Variants in GRID1 observed in about 807,000 individuals in gnomAD.
GRID1 encodes glutamate ionotropic receptor delta type subunit 1.
GRID1 carries 28 observed loss-of-function variants against 98.0 expected under a neutral mutation model. The ratio of observed to expected loss-of-function variants is 0.29; its 90% CI spans 0.21 to 0.39. GRID1 has a LOEUF of 0.39. Among genes scored for constraint, GRID1 ranks in the 10% least tolerant of loss-of-function variants. GRID1 has a pLI of 1.00. For synonymous variants in GRID1, 553 were observed against 538.5 expected (o/e 1.03, Z -0.37); for missense variants, 1,111 against 1,340.5 (o/e 0.83, Z 2.67).
At chr10:86,217,598 C>T (rs545383546) in intron 2 of GRID1, among the ~76,000 whole-genome samples, 3 of 152,210 alleles carry the variant, frequency 2.0e-5, no homozygotes, top group South Asian at 2.1e-4. Context: ...CATGGCCTGG[C>T]CCTAGGAAAG....
chr10:86,244,988 G>A (rs1178815492), intron 2 of GRID1, among the ~76,000 whole-genome samples: 3 of 152,170 alleles, frequency 2.0e-5, no homozygotes, highest in Non-Finnish European at 4.4e-5. Flanking sequence ...GAGCACCAGG[G>A]CCCAAAATTG....
intron 4 of GRID1, among the ~76,000 whole-genome samples, chr10:86,024,479 A>G (rs1399508826): frequency 1.3e-5 from 2 of 152,196 alleles, no homozygotes; most frequent in Non-Finnish European, 2.9e-5. Context: ...TTGGCCTAAA[A>G]TAAGCTTGGC....
At chr10:86,307,103 A>G (rs1847768548) in intron 2 of GRID1, among the ~76,000 whole-genome samples, 1 of 152,176 alleles carries the variant, frequency 6.6e-6, no homozygotes, top group Admixed American at 6.5e-5. Flanking sequence ...ATAAGTTGGT[A>G]ATAGCCATTA....
chr10:86,292,732 C>G (rs2446012), intron 2 of GRID1, among the ~76,000 whole-genome samples: 121,171 of 151,864 alleles, frequency 0.8, 50,037 homozygotes, highest in Non-Finnish European at 0.91. Flanking sequence ...TGCGAGTGTG[C>G]GCAGGTGTGA....
chr10:85,599,936 C>T lies in GRID1; in HGVS notation c.*2337G>A, dbSNP rs1435424880. On this transcript the variant is annotated 3_prime_UTR_variant, in exon 16 of 16. Coordinates refer to ENST00000327946, the MANE Select transcript of GRID1 (RefSeq NM_017551.3). ...TCTCTCTCTCACACACACACACACACACAAACACACACACACAGGCGCACA... is the reference window on the plus strand; with the variant it reads ...TCTCTCTCTCACACACACACACACATACAAACACACACACACAGGCGCACA... 1 of 149,834 alleles carries T rather than the reference C, an allele frequency of 6.7e-6. No homozygotes were observed. Among genetic ancestry groups the T allele is most frequent in the Non-Finnish European group, 1.5e-5 (1 of 67,664 alleles). 9.3% of individuals were successfully genotyped at this position (149,834 alleles called of 1,614,324 possible). A position where few individuals can be genotyped will look rare whatever the true frequency, so the allele number is the denominator to read the frequency against.
At chr10:86,085,693 A>G (rs1002414430) in intron 4 of GRID1, among the ~76,000 whole-genome samples, 19 of 151,940 alleles carry the variant, frequency 1.3e-4, no homozygotes, top group African/African-American at 3.6e-4. Context: ...CAGAGCTGTC[A>G]CCTCCATCCA....
At chr10:85,913,394 C>T (rs1841567384) in intron 5 of GRID1, among the ~76,000 whole-genome samples, 1 of 152,216 alleles carries the variant, frequency 6.6e-6, no homozygotes, top group African/African-American at 2.4e-5. Context: ...GTTTTCCCAT[C>T]TGCAAAATGA....
intron 4 of GRID1, among the ~76,000 whole-genome samples, chr10:85,971,201 T>C (rs1326712276): frequency 6.6e-6 from 1 of 151,946 alleles, no homozygotes; most frequent in East Asian, 1.9e-4. Context: ...CAGCTTCAGA[T>C]CTAAATGTAA....
chr10:86,027,191 G>C (rs532429082), intron 4 of GRID1, among the ~76,000 whole-genome samples: 2 of 152,164 alleles, frequency 1.3e-5, no homozygotes, highest in Non-Finnish European at 2.9e-5. Context: ...ACTGTGTCTA[G>C]TTCTGGAATA....
intron 8 of GRID1, among the ~76,000 whole-genome samples, chr10:85,746,148 G>A (rs1841994613): frequency 6.6e-6 from 1 of 152,164 alleles, no homozygotes; most frequent in South Asian, 2.1e-4. Flanking sequence ...TATTCAGGTT[G>A]AAAACCATAC....
chr10:86,217,455 T>C (rs892402447), intron 2 of GRID1, among the ~76,000 whole-genome samples: 2 of 152,186 alleles, frequency 1.3e-5, no homozygotes, highest in Non-Finnish European at 2.9e-5. Flanking sequence ...AGCCCTCTCA[T>C]ATGGGATCCT....
At chr10:86,199,292 T>C (rs2814315) in intron 3 of GRID1, among the ~76,000 whole-genome samples, 113,716 of 152,008 alleles carry the variant, frequency 0.75, 42,733 homozygotes, top group East Asian at 0.89. Flanking sequence ...GAACTACTTC[T>C]ACTCAGTACA....
intron 3 of GRID1, among the ~76,000 whole-genome samples, chr10:86,183,682 T>C (rs986444197): frequency 3.3e-5 from 5 of 152,230 alleles, no homozygotes; most frequent in Non-Finnish European, 5.9e-5. Flanking sequence ...TTCATTCACT[T>C]GCCAATGGAC....
chr10:86,077,905 G>A (rs1026618791), intron 4 of GRID1, among the ~76,000 whole-genome samples: 1 of 152,248 alleles, frequency 6.6e-6, no homozygotes, highest in Non-Finnish European at 1.5e-5. Context: ...GGTTCACTTG[G>A]CCTGGCCTAC....
chr10:85,933,040 A>C (rs1841878175), intron 4 of GRID1, among the ~76,000 whole-genome samples: 1 of 152,172 alleles, frequency 6.6e-6, no homozygotes, highest in Admixed American at 6.6e-5. Context: ...GGTCTAATAG[A>C]AGGTGTTTGT....
At chr10:86,228,099 G>A (rs1231555556) in intron 2 of GRID1, among the ~76,000 whole-genome samples, 2 of 151,086 alleles carry the variant, frequency 1.3e-5, no homozygotes, top group Non-Finnish European at 2.9e-5. Context: ...TGAGGTGAGT[G>A]GGTGAGTAGG....
intron 13 of GRID1, among the ~76,000 whole-genome samples, chr10:85,627,821 CG>C (rs967235263): frequency 6.6e-6 from 1 of 152,180 alleles, no homozygotes; most frequent in Admixed American, 6.5e-5. Context: ...GAGGGCTCAA[CG>C]CGAGTTCCGT....
At chr10:86,061,916 G>A (rs1202065976) in intron 4 of GRID1, among the ~76,000 whole-genome samples, 2 of 152,170 alleles carry the variant, frequency 1.3e-5, no homozygotes, top group Non-Finnish European at 2.9e-5. Context: ...AAGCAGAAAA[G>A]AGATGAGGAA....
chr10:86,038,439 G>A (rs1564656672), intron 4 of GRID1, among the ~76,000 whole-genome samples: 1 of 152,218 alleles, frequency 6.6e-6, no homozygotes, highest in East Asian at 1.9e-4. Flanking sequence ...TTGGGCTGCT[G>A]AATCAGAAGC....
Sources: allele counts gnomAD v4.1 joint callset (sites outside exome capture counted in the v4.1 genomes callset), GRCh38; gene constraint gnomAD v4.1.1; transcripts MANE v1.5; gene names NCBI Gene and HGNC (gene_info 2026-07-23, HGNC 2026-07-21).